The following CDA variants were observed in gnomAD, a reference collection of about 807,000 sequenced individuals.
CDA encodes cytidine aminohydrolase.
CDA carries 7 observed loss-of-function variants against 15.0 expected under a neutral mutation model. The observed-to-expected ratio is 0.47, with a 90% CI of 0.26 to 0.87. CDA has a LOEUF of 0.87. Among genes scored for constraint, CDA ranks in the 40% least tolerant of loss-of-function variants. The pLI, the probability that CDA is intolerant of heterozygous loss-of-function variation, is 0.15. For missense variants in CDA, 159 were observed against 182.7 expected, an observed-to-expected ratio of 0.87 and a Z score of 0.75; for synonymous variants, 58 against 73.0, an observed-to-expected ratio of 0.79 and a Z score of 1.05.
chr1:20,614,319 G>A (rs1269383829), intron 3 of CDA, among the ~76,000 whole-genome samples: 3 of 152,036 alleles, frequency 2.0e-5, no homozygotes, highest in South Asian at 2.1e-4. Context: ...AGTGACAAAC[G>A]GGCAAACAGG....
chr1:20,612,233 CT>C (rs2052758669), intron 2 of CDA, among the ~76,000 whole-genome samples: 1 of 152,134 alleles, frequency 6.6e-6, no homozygotes, highest in Non-Finnish European at 1.5e-5. Flanking sequence ...ATCTCTGCCT[CT>C]TCATCACACT....
chr1:20,611,944 C>G (rs1011350112), intron 2 of CDA, among the ~76,000 whole-genome samples: 1 of 152,116 alleles, frequency 6.6e-6, no homozygotes, highest in Non-Finnish European at 1.5e-5. Flanking sequence ...TTCACTGCAA[C>G]CTCCGCCTCC....
chr1:20,592,307 T>A (rs1232211524), intron 1 of CDA, among the ~76,000 whole-genome samples: 1 of 152,220 alleles, frequency 6.6e-6, no homozygotes, highest in Non-Finnish European at 1.5e-5. Context: ...CCCCTGGTTG[T>A]GAGGCTTTAA....
chr1:20,596,756 CTTTTTTTTTT>C (rs61288769), intron 1 of CDA, among the ~76,000 whole-genome samples: 1 of 101,118 alleles, frequency 9.9e-6, no homozygotes, highest in Non-Finnish European at 1.9e-5. Flanking sequence ...CTGTTGATGT[CTTTTTTTTTT>C]TTTTTTTTTT....
At position 20,599,416 on chromosome 1, in the gene CDA, A is replaced by C. The variant is rs543199772; in HGVS notation, c.155-5512A>C. Among the ~76,000 whole-genome samples, 187 of 152,124 alleles carry C rather than the reference A, an allele frequency of 1.2e-3. 1 individual carries two copies. Among genetic ancestry groups the C allele is most frequent in the African/African-American group, 4.3e-3 (177 of 41,488 alleles). On this transcript the variant is annotated intron_variant, in intron 1 of 3. Transcript: ENST00000375071. ...GGTGGATCACAAGGTCAGGAGTTCA[A>C]GACCAGCCTGACCAATATGGTGAAA...
At chr1:20,592,322 G>A (rs1020102585) in intron 1 of CDA, among the ~76,000 whole-genome samples, 8 of 152,182 alleles carry the variant, frequency 5.3e-5, no homozygotes, top group South Asian at 2.1e-4. Flanking sequence ...CTTTAAATGA[G>A]TAAATGCTTA....
chr1:20,605,439 C>T (rs1193312416), intron 2 of CDA, among the ~76,000 whole-genome samples: 1 of 150,920 alleles, frequency 6.6e-6, no homozygotes, highest in Non-Finnish European at 1.5e-5. Flanking sequence ...ATGGGCAGAT[C>T]ACGAGGTCAG....
intron 2 of CDA, among the ~76,000 whole-genome samples, chr1:20,608,808 C>T (rs1268875932): frequency 6.7e-6 from 1 of 149,578 alleles, no homozygotes; most frequent in Non-Finnish European, 1.5e-5. Flanking sequence ...AATCCTGATT[C>T]TGCCACTTCA....
At chr1:20,600,878 A>C (rs1284603157) in intron 1 of CDA, among the ~76,000 whole-genome samples, 1 of 152,110 alleles carries the variant, frequency 6.6e-6, no homozygotes, top group Non-Finnish European at 1.5e-5. Context: ...ACTTTCATTG[A>C]CTCAGCAGAG....
At chr1:20,589,415 C>T (rs751695247) in intron 1 of CDA, 132 bp downstream of exon 1, 10 of 884,430 alleles carry the variant, frequency 1.1e-5, no homozygotes, top group South Asian at 4.8e-5. Flanking sequence ...CCCCAGTCTC[C>T]GCTGGAATGT....
In CDA at chr1:20,616,548, T is replaced by C. The variant is rs141979917; in HGVS notation, c.325-1904T>C. Among the ~76,000 whole-genome samples, 130 of 152,088 alleles carry C rather than the reference T, an allele frequency of 8.5e-4. 1 individual carries two copies. Among genetic ancestry groups the C allele is most frequent in the Admixed American group, 5.6e-3 (86 of 15,254 alleles). Reference sequence around the variant, plus strand: ...ATAGCTGCCCTGCACGGTGGAAATGTCGAAGGTCATATAAGGAAGCCACAA... The same window carrying C: ...ATAGCTGCCCTGCACGGTGGAAATGCCGAAGGTCATATAAGGAAGCCACAA... On this transcript the variant is annotated intron_variant, in intron 3 of 3. Transcript: ENST00000375071.
At chr1:20,600,194 T>C (rs60729687) in intron 1 of CDA, among the ~76,000 whole-genome samples, 16,957 of 152,248 alleles carry the variant, frequency 0.11, 1,139 homozygotes, top group African/African-American at 0.19. Flanking sequence ...CCTGAGAGAC[T>C]GGGTCTTCTG....
At chr1:20,615,108 C>A (rs905230263) in intron 3 of CDA, among the ~76,000 whole-genome samples, 10 of 152,254 alleles carry the variant, frequency 6.6e-5, no homozygotes, top group Admixed American at 6.5e-4. Flanking sequence ...TATCTGCCCA[C>A]CTCGGCCTCC....
chr1:20,613,425 G>A (rs546698723), intron 2 of CDA, among the ~76,000 whole-genome samples: 6 of 152,240 alleles, frequency 3.9e-5, no homozygotes, highest in South Asian at 2.1e-4. Context: ...GGCTGGTCTC[G>A]AACTCCTGCC....
intron 1 of CDA, among the ~76,000 whole-genome samples, chr1:20,603,310 C>T (rs377041281): frequency 6.6e-6 from 1 of 152,172 alleles, no homozygotes; most frequent in South Asian, 2.1e-4. Flanking sequence ...CTTTTTCTCT[C>T]ACACAACAAT....
chr1:20,595,842 CAAAA>C (rs1195136238), intron 1 of CDA, among the ~76,000 whole-genome samples: 7 of 73,064 alleles, frequency 9.6e-5, no homozygotes, highest in African/African-American at 1.1e-4. Context: ...AAGACTCTCT[CAAAA>C]AAAAAAAAAA....
chr1:20,589,174 C>T lies in CDA; in HGVS notation c.45C>T (p.Val15=), dbSNP rs1267121145. The change falls in exon 1 of 4, where the codon GTC becomes GTT. Residue 15 remains valine, a synonymous_variant. Coordinates refer to ENST00000375071, the MANE Select transcript of CDA (RefSeq NM_001785.3). ...RPACTLKPEC[V]QQLLVCSQEA... is the part of the protein sequence containing the mutation. ...CCTGCACCCTGAAGCCTGAGTGTGT[C>T]CAGCAGCTGCTGGTTTGCTCCCAGG... 7 of 1,614,006 alleles carry T rather than the reference C, an allele frequency of 4.3e-6. No individual in the cohort carries two copies. Among genetic ancestry groups the T allele is most frequent in the Non-Finnish European group, 5.9e-6 (7 of 1,179,992 alleles).
chr1:20,604,567 T>G (rs1242314579), intron 1 of CDA, among the ~76,000 whole-genome samples: 1 of 152,194 alleles, frequency 6.6e-6, no homozygotes, highest in East Asian at 1.9e-4. Context: ...ATCTCTTAGA[T>G]GCAGGTGTGG....
intron 3 of CDA, among the ~76,000 whole-genome samples, chr1:20,614,312 G>C (rs1191970626): frequency 6.6e-6 from 1 of 152,160 alleles, no homozygotes; most frequent in Non-Finnish European, 1.5e-5. Flanking sequence ...GGAGTCCAGT[G>C]ACAAACGGGC....
Sources: gnomAD v4.1 joint callset for allele counts (sites outside exome capture counted in the v4.1 genomes callset) on GRCh38, gnomAD v4.1.1 for gene constraint, MANE v1.5 for transcripts, NCBI Gene and HGNC (gene_info 2026-07-23, HGNC 2026-07-21) for gene names.